Variants in NBPF10 observed in about 807,000 individuals in gnomAD.
NBPF10 encodes NBPF member 10, also known as NBPF family member NBPF10.
A neutral mutation model predicts 77.9 loss-of-function variants in NBPF10; 63 were observed. The ratio of observed to expected loss-of-function variants is 0.81; its 90% CI spans 0.66 to 1.00. NBPF10 has a LOEUF of 1.00. Among genes scored for constraint, NBPF10 ranks in the 50% least tolerant of loss-of-function variants. NBPF10 has a pLI of 0.00. For missense variants in NBPF10, 522 were observed against 679.8 expected (o/e 0.77, Z 2.58); for synonymous variants, 146 against 264.5 (o/e 0.55, Z 4.35).
Position 146,126,679 on chromosome 1 carries a change from G to A in NBPF10, c.1854-271C>T, listed in dbSNP as rs1424139509. Among the ~76,000 whole-genome samples the A allele has an allele frequency of 6.9e-5, 10 of 145,964 alleles. No homozygotes were observed. In the East Asian group the frequency reaches 1.0e-3, roughly 15 times the overall value. On this transcript the variant is annotated intron_variant, in intron 13 of 89. Transcript: ENST00000583866. ...GGTCAGGTGACACACTGATGAGGGA[G>A]TCAAAGGACACTCTGTATTTGTGCT...
rs1367066529 is a variant in NBPF10 at position 146,073,124 on chromosome 1, G to T, written c.10131-223C>A. ...GGGAGAGAGAGAGAGGGAGGAGAAA[G>T]TGAGCTCAGCGAATTGGCCGGGTGA... On this transcript the variant is annotated intron_variant, in intron 81 of 89. Coordinates refer to ENST00000583866, the Ensembl canonical transcript of NBPF10. Among the ~76,000 whole-genome samples the T allele has an allele frequency of 2.7e-5, 2 of 73,306 alleles. 1 individual carries two copies. Among genetic ancestry groups the T allele is most frequent in the East Asian group, 5.6e-4 (2 of 3,556 alleles). The allele number at this position is 73,306 out of a possible 152,430, so 48.1% of individuals were successfully genotyped here.
chr1:146,134,314 C>G, intron 8 of NBPF10, 49 bp from the exon 9 acceptor site: 3 of 1,568,490 alleles, frequency 1.9e-6, no homozygotes, highest in Non-Finnish European at 2.6e-6. Context: ...TCACAGTCTG[C>G]AAGCACAGTC....
At chr1:146,126,960 G>T in intron 13 of NBPF10, 68 bp downstream of exon 13, 1 of 504,116 alleles carries the variant, frequency 2.0e-6, no homozygotes, top group Non-Finnish European at 3.4e-6. Context: ...AGGATGTACT[G>T]TTTTCCCTGG....
exon 17 of NBPF10, chr1:146,123,934 A>G: frequency 1.5e-5 from 4 of 275,650 alleles, no homozygotes; most frequent in South Asian, 9.5e-5. Context: ...TACCTGGGGC[A>G]TGGTGGGCCT....
rs782327604 is a variant in NBPF10 at position 146,144,576 on chromosome 1, G to A, written c.175+19C>T. ...GATATCATTCATCACTTTCATGATG[G>A]TGAGCCTATAGATCTTACTGTATTT... On this transcript the variant is annotated intron_variant, in intron 1 of 89. Transcript: ENST00000583866. 11 of 819,826 alleles carry A rather than the reference G, an allele frequency of 1.3e-5. 2 individuals carry two copies. The highest frequency in any genetic ancestry group is 1.7e-5 in the Non-Finnish European group (10 of 578,400). 50.8% of individuals were successfully genotyped at this position (819,826 alleles called of 1,614,324 possible). A position where few individuals can be genotyped will look rare whatever the true frequency, so the allele number is the denominator to read the frequency against.
chr1:146,068,466 G>A (rs1385989700), intron 87 of NBPF10, among the ~76,000 whole-genome samples: 1 of 21,644 alleles, frequency 4.6e-5, no homozygotes, highest in African/African-American at 1.6e-4. Flanking sequence ...TAGTGCCCTC[G>A]GGACACACAG....
exon 14 of NBPF10, chr1:146,126,245 C>T (rs782498971): frequency 7.5e-6 from 12 of 1,607,488 alleles, no homozygotes; most frequent in African/African-American, 6.7e-5. Flanking sequence ...CCATCCATGT[C>T]AATAGCCAAG....
chr1:146,142,594 G>A (rs1553797853), intron 2 of NBPF10, 56 bp downstream of exon 2: 2 of 902,368 alleles, frequency 2.2e-6, no homozygotes, highest in African/African-American at 1.8e-5. Context: ...CCGAGCTGCT[G>A]TACTTCAGAG....
At chr1:146,126,047 C>G (rs1658584375) in intron 14 of NBPF10, among the ~76,000 whole-genome samples, 189 bp downstream of exon 14, 2 of 151,720 alleles carry the variant, frequency 1.3e-5, no homozygotes, top group African/African-American at 4.8e-5. Context: ...GGAAGAGAGC[C>G]TTGCTCACTG....
At chr1:146,067,545 G>C (rs1334380857) in intron 88 of NBPF10, among the ~76,000 whole-genome samples, 3 of 149,890 alleles carry the variant, frequency 2.0e-5, no homozygotes, top group Admixed American at 1.3e-4. Flanking sequence ...TGTGCAAACA[G>C]TTACGCCATA....
At chr1:146,069,625 T>C (rs782321135) in exon 86 of NBPF10, 16 of 1,570,482 alleles carry the variant, frequency 1.0e-5, no homozygotes, top group Admixed American at 1.8e-5. Flanking sequence ...AGTCACACAG[T>C]TCAAGACAAC....
At chr1:146,130,899 C>T (rs1475890436) in intron 11 of NBPF10, among the ~76,000 whole-genome samples, 21 of 112,898 alleles carry the variant, frequency 1.9e-4, no homozygotes, top group African/African-American at 6.2e-4. Flanking sequence ...GGGCTAAATG[C>T]CCCAGTTAAA....
Position 146,142,152 on chromosome 1 carries a change from T to C in NBPF10, c.279-334A>G, listed in dbSNP as rs1234587157. 1.3e-3 allele frequency among the ~76,000 whole-genome samples: 159 copies of C among 119,712 alleles called. 4 individuals carry two copies. Among genetic ancestry groups the C allele is most frequent in the Non-Finnish European group, 1.1e-3 (59 of 51,874 alleles). 78.5% of individuals were successfully genotyped at this position (119,712 alleles called of 152,430 possible). Reference sequence around the variant, plus strand: ...GGACATTTCCATGTGAAAATACACATAGTGCATCTTGCGGCCACTAGATAC... The same window carrying C: ...GGACATTTCCATGTGAAAATACACACAGTGCATCTTGCGGCCACTAGATAC... On this transcript the variant is annotated intron_variant, in intron 2 of 89. Transcript: ENST00000583866.
intron 13 of NBPF10, among the ~76,000 whole-genome samples, chr1:146,126,611 A>C (rs1324710067): frequency 7.2e-6 from 1 of 138,584 alleles, no homozygotes; most frequent in Admixed American, 7.4e-5. Context: ...ACACACACAC[A>C]CACACACACA....
At chr1:146,141,854 A>C in intron 2 of NBPF10, 36 bp from the exon 3 acceptor site, 1 of 1,227,554 alleles carries the variant, frequency 8.1e-7, no homozygotes. Flanking sequence ...TAAGAGTAGA[A>C]AGGGTTGAGT....
Position 146,067,181 on chromosome 1 carries a change from T to A in NBPF10, c.11143A>T (p.Arg3715Trp), listed in dbSNP as rs782562165. Residue 3715 changes from arginine to tryptophan, a missense_variant and splice_region_variant, in exon 89 of 90, where the codon AGG becomes TGG. Transcript: ENST00000583866. Reference sequence around the variant, plus strand: ...GGATCCACAATTGCTGAAAGTCACCTGGGGCATGGTGGGTTTTGATCTTCT... The same window carrying A: ...GGATCCACAATTGCTGAAAGTCACCAGGGGCATGGTGGGTTTTGATCTTCT... 2.6e-5 allele frequency: 16 copies of A among 616,486 alleles called. 1 individual carries two copies. Among genetic ancestry groups the A allele is most frequent in the Non-Finnish European group, 4.5e-5 (15 of 333,134 alleles). The allele number at this position is 616,486 out of a possible 1,614,324, so 38.2% of individuals were successfully genotyped here.
At position 146,073,120 on chromosome 1, in the gene NBPF10, G is replaced by A. The variant is rs1655823148; in HGVS notation, c.10131-219C>T. On this transcript the variant is annotated intron_variant, in intron 81 of 89. Transcript: ENST00000583866. ...GAGAGGGAGAGAGAGAGAGGGAGGAGAAAGTGAGCTCAGCGAATTGGCCGG... is the reference window on the plus strand; with the variant it reads ...GAGAGGGAGAGAGAGAGAGGGAGGAAAAAGTGAGCTCAGCGAATTGGCCGG... Among the ~76,000 whole-genome samples, 2 of 73,510 alleles carry A rather than the reference G, an allele frequency of 2.7e-5. 1 individual carries two copies. The highest frequency in any genetic ancestry group is 3.0e-4 in the Admixed American group (2 of 6,748). The allele number at this position is 73,510 out of a possible 152,430, so 48.2% of individuals were successfully genotyped here.
exon 86 of NBPF10, chr1:146,069,658 A>G: frequency 1.4e-6 from 2 of 1,435,970 alleles, no homozygotes; most frequent in East Asian, 2.3e-5. Flanking sequence ...AATAACATCT[A>G]TCCAGTGAGT....
chr1:146,118,789 C>CAGAG (rs781855619), intron 23 of NBPF10, among the ~76,000 whole-genome samples: 1 of 4,974 alleles, frequency 2.0e-4, no homozygotes, highest in East Asian at 4.2e-3. Flanking sequence ...CACACACACA[C>CAGAG]AGAGAGAGAG....
Sources: allele counts gnomAD v4.1 joint callset (sites outside exome capture counted in the v4.1 genomes callset), GRCh38; gene constraint gnomAD v4.1.1; transcripts MANE v1.5; gene names NCBI Gene and HGNC (gene_info 2026-07-23, HGNC 2026-07-21).